The following FSD2 variants were observed in gnomAD, a reference collection of about 807,000 sequenced individuals.
FSD2 encodes fibronectin type III and SPRY domain-containing protein 2.
A neutral mutation model predicts 80.4 loss-of-function variants in FSD2; 71 were observed. The ratio of observed to expected loss-of-function variants is 0.88; its 90% CI spans 0.73 to 1.08. The LOEUF is 1.08. Ranked by LOEUF, FSD2 falls within the 50% of genes least tolerant of loss-of-function variation. The pLI is 0.00. For synonymous variants in FSD2, 361 were observed against 329.5 expected, an observed-to-expected ratio of 1.10 and a Z score of -1.03; for missense variants, 923 against 913.8, an observed-to-expected ratio of 1.01 and a Z score of -0.13.
intron 3 of FSD2, among the ~76,000 whole-genome samples, chr15:82,786,295 A>G (rs1028183288): frequency 2.0e-5 from 3 of 152,222 alleles, no homozygotes; most frequent in South Asian, 2.1e-4. Flanking sequence ...CCAAGAGCTT[A>G]TAGTTCAGCA....
Position 82,769,850 on chromosome 15 carries a change from T to C in FSD2, c.1302A>G (p.Ser434=), listed in dbSNP as rs765931784. ...GGGTATTTGGCACAAGGTTTGTCACTGAGCAATATGTTTCTTTGACAGTCA... is the reference window on the plus strand; with the variant it reads ...GGGTATTTGGCACAAGGTTTGTCACCGAGCAATATGTTTCTTTGACAGTCA... ...FTVTVKETYC[S]VTNLVPNTQY... Residue 434 remains serine, a synonymous_variant, in exon 8 of 13, where the codon TCA becomes TCG. Transcript: ENST00000334574. 1.2e-6 allele frequency: 2 copies of C among 1,613,972 alleles called. No homozygotes were observed. Among genetic ancestry groups the C allele is most frequent in the East Asian group, 2.2e-5 (1 of 44,880 alleles).
At position 82,757,252 on chromosome 15, in the gene FSD2, G is replaced by A. The variant is rs2049194633; in HGVS notation, c.*2096C>T. The A allele has an allele frequency of 6.6e-6, 1 of 151,560 alleles. No individual in the cohort carries two copies. Among genetic ancestry groups the A allele is most frequent in the African/African-American group, 2.4e-5 (1 of 41,184 alleles). The allele number at this position is 151,560 out of a possible 1,614,324, so 9.4% of individuals were successfully genotyped here. On this transcript the variant is annotated 3_prime_UTR_variant, in exon 13 of 13. Transcript: ENST00000334574. ...CATTTATCCGTGTTCATACTAACGT[G>A]TAGTATTCCATAAAGCCTATTAGAA... is the stretch of plus-strand genomic sequence containing the variant.
At chr15:82,761,926 A>G (rs915890344) in intron 12 of FSD2, among the ~76,000 whole-genome samples, 176 bp downstream of exon 12, 1 of 152,220 alleles carries the variant, frequency 6.6e-6, no homozygotes, top group African/African-American at 2.4e-5. Flanking sequence ...TAGTTGAAGA[A>G]AAGCTGCTCT....
At position 82,763,942 on chromosome 15, in the gene FSD2, G is replaced by C. The variant is rs183574256; in HGVS notation, c.1820+1224C>G. ...ATATTTCTCCAAACATGATCTTTCCGGCTTCTTTCATATGTACATGTACAA... is the reference window on the plus strand; with the variant it reads ...ATATTTCTCCAAACATGATCTTTCCCGCTTCTTTCATATGTACATGTACAA... On this transcript the variant is annotated intron_variant, in intron 11 of 12. Transcript: ENST00000334574. Among the ~76,000 whole-genome samples the C allele has an allele frequency of 2.0e-5, 3 of 152,168 alleles. No individual in the cohort carries two copies. In the South Asian group the frequency reaches 6.2e-4, roughly 32 times the overall value.
At position 82,756,216 on chromosome 15, in the gene FSD2, G is replaced by C. The variant is rs1055527082; in HGVS notation, c.*3132C>G. Reference sequence around the variant, plus strand: ...GACTAGAAATTGGCGAAGTTTTCTTGGTAAGTTGAGGAGAGGACTTTTCTT... The same window carrying C: ...GACTAGAAATTGGCGAAGTTTTCTTCGTAAGTTGAGGAGAGGACTTTTCTT... On this transcript the variant is annotated 3_prime_UTR_variant, in exon 13 of 13. Coordinates refer to ENST00000334574, the MANE Select transcript of FSD2 (RefSeq NM_001007122.4). 2 of 277,304 alleles carry C rather than the reference G, an allele frequency of 7.2e-6. No homozygotes were observed. Among genetic ancestry groups the C allele is most frequent in the Non-Finnish European group, 1.5e-5 (2 of 135,582 alleles). 17.2% of individuals were successfully genotyped at this position (277,304 alleles called of 1,614,324 possible). A position where few individuals can be genotyped will look rare whatever the true frequency, so the allele number is the denominator to read the frequency against.
intron 4 of FSD2, among the ~76,000 whole-genome samples, chr15:82,781,675 C>G (rs924311700): frequency 6.6e-6 from 1 of 152,104 alleles, no homozygotes; most frequent in African/African-American, 2.4e-5. Flanking sequence ...AATTGCTACA[C>G]TTGTAACTGG....
At chr15:82,794,123 A>T (rs1180841400) in intron 1 of FSD2, among the ~76,000 whole-genome samples, 1 of 152,020 alleles carries the variant, frequency 6.6e-6, no homozygotes. Context: ...ATTTATAGCT[A>T]TAAATTTTCC....
Position 82,765,980 on chromosome 15 carries a change from C to T in FSD2, c.1605G>A (p.Gly535=). ...CTCGCACATAGATAATGTAGCTCCGCCCCGGCTGCAGCTGCACCACGGACT... is the reference window on the plus strand; with the variant it reads ...CTCGCACATAGATAATGTAGCTCCGTCCCGGCTGCAGCTGCACCACGGACT... ...TCESVVQLQP[G]RSYIIYVRAL... Residue 535 remains glycine, a synonymous_variant, in exon 10 of 13, where the codon GGG becomes GGA. Coordinates refer to ENST00000334574, the MANE Select transcript of FSD2 (RefSeq NM_001007122.4). 1.2e-6 allele frequency: 2 copies of T among 1,600,348 alleles called. No homozygotes were observed. The highest frequency in any genetic ancestry group is 8.5e-7 in the Non-Finnish European group (1 of 1,174,438).
Position 82,759,519 on chromosome 15 carries a change from T to G in FSD2, c.2079A>C (p.Leu693Phe). 1 of 1,610,890 alleles carries G rather than the reference T, an allele frequency of 6.2e-7. No homozygotes were observed. The highest frequency in any genetic ancestry group is 1.1e-5 in the South Asian group (1 of 90,472). Residue 693 changes from leucine to phenylalanine, a missense_variant, in exon 13 of 13, where the codon TTA (leucine) becomes TTC (phenylalanine). By Grantham distance (22) the Leu-to-Phe change is conservative. Transcript: ENST00000334574. ...TVPPKKIGIL[L>F]DYEHSKLSFF... ...ATGACAACTTTGAATGTTCATAGTC[T>G]AATAGAATGCCAATCTTCTTTGGTG...
intron 1 of FSD2, among the ~76,000 whole-genome samples, chr15:82,795,335 A>C (rs1235839690): frequency 1.3e-5 from 2 of 151,962 alleles, no homozygotes; most frequent in Admixed American, 6.6e-5. Context: ...TTTTTTTTCC[A>C]TATAACAAAA....
At chr15:82,790,945 A>G (rs374421603) in intron 1 of FSD2, among the ~76,000 whole-genome samples, 37 of 151,744 alleles carry the variant, frequency 2.4e-4, no homozygotes, top group African/African-American at 8.7e-4. Flanking sequence ...CATATACCAT[A>G]CAATTCACCT....
At position 82,762,115 on chromosome 15, in the gene FSD2, A is replaced by C; in HGVS notation, c.1984T>G (p.Phe662Val). 1 of 1,600,764 alleles carries C rather than the reference A, an allele frequency of 6.2e-7. No homozygotes were observed. Among genetic ancestry groups the C allele is most frequent in the Non-Finnish European group, 8.5e-7 (1 of 1,173,604 alleles). Residue 662 changes from phenylalanine to valine, a missense_variant, in exon 12 of 13, where the codon TTT becomes GTT. By Grantham distance (50) the Phe-to-Val change is conservative. Transcript: ENST00000334574. ...ATTTTACTTTACCTTGATGATGCAA[A>C]TGTGTGCCTCATGCACCAGGAGAGG... ...NCLSWCMRHT[F>V]ASSRHKYEFL... is the part of the protein sequence containing the mutation.
intron 1 of FSD2, among the ~76,000 whole-genome samples, chr15:82,792,108 T>C (rs1020453807): frequency 2.0e-5 from 3 of 152,256 alleles, no homozygotes; most frequent in African/African-American, 7.2e-5. Context: ...CTTGCAGGTA[T>C]ATACCCAGGG....
intron 1 of FSD2, among the ~76,000 whole-genome samples, chr15:82,789,179 A>C (rs972824367): frequency 6.6e-6 from 1 of 152,088 alleles, no homozygotes; most frequent in Admixed American, 6.5e-5. Context: ...GGGCTAAGTA[A>C]ACTCGGGGAT....
chr15:82,781,770 G>A (rs1596247147), intron 4 of FSD2, among the ~76,000 whole-genome samples: 1 of 151,954 alleles, frequency 6.6e-6, no homozygotes, highest in South Asian at 2.1e-4. Context: ...AACTCTTAGA[G>A]CACTCTTGGC....
chr15:82,802,042 A>ATTGAGT (rs1179470958), intron 1 of FSD2, among the ~76,000 whole-genome samples: 2 of 152,128 alleles, frequency 1.3e-5, no homozygotes, highest in African/African-American at 4.8e-5. Context: ...AGACTCCAGA[A>ATTGAGT]TTGAGTTTTC....
At chr15:82,782,300 T>C (rs1420728250) in intron 4 of FSD2, among the ~76,000 whole-genome samples, 2 of 151,010 alleles carry the variant, frequency 1.3e-5, no homozygotes, top group East Asian at 3.9e-4. Context: ...CTAGGGAGGC[T>C]GAGGCAGGAG....
At position 82,757,152 on chromosome 15, in the gene FSD2, C is replaced by G. The variant is rs1323574665; in HGVS notation, c.*2196G>C. On this transcript the variant is annotated 3_prime_UTR_variant, in exon 13 of 13. Coordinates refer to ENST00000334574, the MANE Select transcript of FSD2 (RefSeq NM_001007122.4). ...TCTGCTTTAAGTGGATTTTAAATGTCAGGCAATTCTAGACAGTTTTTTCTT... is the reference window on the plus strand; with the variant it reads ...TCTGCTTTAAGTGGATTTTAAATGTGAGGCAATTCTAGACAGTTTTTTCTT... 2.0e-5 allele frequency: 3 copies of G among 152,110 alleles called. No homozygotes were observed. The highest frequency in any genetic ancestry group is 7.2e-5 in the African/African-American group (3 of 41,428). 9.4% of individuals were successfully genotyped at this position (152,110 alleles called of 1,614,324 possible). A position where few individuals can be genotyped will look rare whatever the true frequency, so the allele number is the denominator to read the frequency against.
intron 1 of FSD2, among the ~76,000 whole-genome samples, chr15:82,800,909 G>T (rs1022855755): frequency 6.6e-6 from 1 of 151,898 alleles, no homozygotes; most frequent in African/African-American, 2.4e-5. Context: ...ATCACCCCTG[G>T]GGTGGTGATT....
Sources: allele counts gnomAD v4.1 joint callset (sites outside exome capture counted in the v4.1 genomes callset), GRCh38; gene constraint gnomAD v4.1.1; transcripts MANE v1.5; gene names NCBI Gene and HGNC (gene_info 2026-07-23, HGNC 2026-07-21).